The following ARHGAP15 variants were observed in gnomAD, a reference collection of about 807,000 sequenced individuals.
The protein encoded by ARHGAP15 is rho GTPase-activating protein 15.
Under a neutral mutation model 63.7 loss-of-function variants are expected in ARHGAP15, and 51 were observed. The ratio of observed to expected loss-of-function variants is 0.80; its 90% CI spans 0.64 to 1.01. The LOEUF (loss-of-function observed/expected upper bound fraction) is 1.01, where lower values mean the gene tolerates loss of function less well. Ranked by LOEUF, ARHGAP15 falls within the 50% of genes least tolerant of loss-of-function variation. The pLI is 0.00. For missense variants in ARHGAP15, 560 were observed against 564.6 expected, an observed-to-expected ratio of 0.99 and a Z score of 0.08; for synonymous variants, 191 against 193.8, an observed-to-expected ratio of 0.99 and a Z score of 0.12.
chr2:143,525,185 C>G (rs558228544), intron 10 of ARHGAP15, among the ~76,000 whole-genome samples: 30 of 152,186 alleles, frequency 2.0e-4, no homozygotes, highest in African/African-American at 6.0e-4. Flanking sequence ...GCACTAAAGG[C>G]TGATACTTCC....
intron 6 of ARHGAP15, among the ~76,000 whole-genome samples, chr2:143,311,564 C>T (rs1683449844): frequency 6.6e-6 from 1 of 151,988 alleles, no homozygotes; most frequent in African/African-American, 2.4e-5. Context: ...GGTGTGCATG[C>T]CTTAGCTCCG....
chr2:143,568,450 A>G (rs1457798186), intron 11 of ARHGAP15, among the ~76,000 whole-genome samples: 1 of 152,248 alleles, frequency 6.6e-6, no homozygotes, highest in Non-Finnish European at 1.5e-5. Context: ...AATGCAAATA[A>G]AAACCACAAT....
intron 8 of ARHGAP15, among the ~76,000 whole-genome samples, chr2:143,457,096 T>A (rs990960025): frequency 5.9e-5 from 9 of 152,120 alleles, no homozygotes; most frequent in African/African-American, 2.2e-4. Context: ...GCTATTTTCT[T>A]GTTCTATTTA....
At chr2:143,621,469 C>A (rs1273257258) in intron 11 of ARHGAP15, among the ~76,000 whole-genome samples, 1 of 152,076 alleles carries the variant, frequency 6.6e-6, no homozygotes, top group African/African-American at 2.4e-5. Flanking sequence ...AGTGGCCTTG[C>A]AAAATTTGCC....
chr2:143,573,155 T>C (rs570792715), intron 11 of ARHGAP15, among the ~76,000 whole-genome samples: 1 of 152,324 alleles, frequency 6.6e-6, no homozygotes, highest in South Asian at 2.1e-4. Context: ...CTAATTTTAA[T>C]GCTTACTCCA....
intron 6 of ARHGAP15, among the ~76,000 whole-genome samples, chr2:143,432,374 C>A: frequency 6.6e-6 from 1 of 152,042 alleles, no homozygotes; most frequent in Non-Finnish European, 1.5e-5. Context: ...AAGAACAATA[C>A]TTAAATCAAC....
intron 11 of ARHGAP15, among the ~76,000 whole-genome samples, chr2:143,577,500 A>C (rs1696721159): frequency 1.3e-5 from 2 of 152,066 alleles, no homozygotes. Context: ...AAGCATAACT[A>C]AATTCTGAAG....
At chr2:143,240,289 A>G (rs888359558) in intron 5 of ARHGAP15, among the ~76,000 whole-genome samples, 18 of 152,194 alleles carry the variant, frequency 1.2e-4, no homozygotes, top group Non-Finnish European at 1.5e-5. Flanking sequence ...ATAATGCAAT[A>G]TATCTAATGC....
At chr2:143,161,263 A>G (rs771723210) in intron 2 of ARHGAP15, among the ~76,000 whole-genome samples, 2 of 151,906 alleles carry the variant, frequency 1.3e-5, no homozygotes, top group Non-Finnish European at 2.9e-5. Context: ...CAGAGGGGAG[A>G]AAAACAGGCT....
intron 12 of ARHGAP15, among the ~76,000 whole-genome samples, chr2:143,624,583 T>C (rs968909676): frequency 3.9e-5 from 6 of 152,148 alleles, no homozygotes; most frequent in Non-Finnish European, 5.9e-5. Flanking sequence ...TGTGCACCCC[T>C]CATCTCTGCC....
chr2:143,171,204 G>T (rs555160556), intron 2 of ARHGAP15, among the ~76,000 whole-genome samples: 264 of 152,250 alleles, frequency 1.7e-3, no homozygotes, highest in African/African-American at 5.6e-3. Context: ...TATCACTATT[G>T]TATTCATTGA....
intron 6 of ARHGAP15, among the ~76,000 whole-genome samples, chr2:143,401,241 A>G (rs1422383254): frequency 6.6e-6 from 1 of 152,038 alleles, no homozygotes; most frequent in Non-Finnish European, 1.5e-5. Flanking sequence ...GTAGAAATAA[A>G]TATTTATAAA....
chr2:143,522,366 C>T (rs1348967897), intron 10 of ARHGAP15, among the ~76,000 whole-genome samples: 3 of 152,140 alleles, frequency 2.0e-5, no homozygotes, highest in East Asian at 1.9e-4. Flanking sequence ...AAAGCTCTTC[C>T]AAGTGGTTCC....
At chr2:143,238,135 A>C (rs1693725247) in intron 5 of ARHGAP15, 1 of 152,134 alleles carries the variant, frequency 6.6e-6, no homozygotes, top group South Asian at 2.1e-4. Flanking sequence ...ATAGGCACAG[A>C]CAAAGATTTT....
In ARHGAP15 at chr2:143,424,190, G is replaced by A. The variant is rs762015393; in HGVS notation, c.475-11411G>A. Among the ~76,000 whole-genome samples the A allele has an allele frequency of 7.9e-5, 12 of 152,036 alleles. No homozygotes were observed. In the East Asian group the frequency reaches 2.1e-3, roughly 27 times the overall value. ...GATTCTTTTAGGTCCTAGTGAATGT[G>A]AGAATCAGACTTACAAAGATCTCCA... On this transcript the variant is annotated intron_variant, in intron 6 of 13. Transcript: ENST00000295095.
At chr2:143,144,450 C>T (rs1403371268) in intron 1 of ARHGAP15, among the ~76,000 whole-genome samples, 2 of 151,984 alleles carry the variant, frequency 1.3e-5, no homozygotes, top group Non-Finnish European at 2.9e-5. Flanking sequence ...TTACCAAGTT[C>T]ATGATATAAA....
chr2:143,480,641 T>G (rs1421785207), intron 8 of ARHGAP15: 6 of 152,170 alleles, frequency 3.9e-5, no homozygotes. Context: ...GGCTGCAAGT[T>G]GGGGTTTGAA....
chr2:143,180,655 A>G (rs538075456), intron 2 of ARHGAP15, among the ~76,000 whole-genome samples: 1 of 152,204 alleles, frequency 6.6e-6, no homozygotes, highest in South Asian at 2.1e-4. Flanking sequence ...CTATAGTCTT[A>G]TTAAATATAT....
At chr2:143,757,584 T>C (rs1574933588) in intron 13 of ARHGAP15, among the ~76,000 whole-genome samples, 3 of 152,036 alleles carry the variant, frequency 2.0e-5, no homozygotes, top group African/African-American at 7.2e-5. Flanking sequence ...TATACCAGGG[T>C]GTGTGGCTGA....
Sources: allele counts gnomAD v4.1 joint callset (sites outside exome capture counted in the v4.1 genomes callset), GRCh38; gene constraint gnomAD v4.1.1; transcripts MANE v1.5; gene names NCBI Gene and HGNC (gene_info 2026-07-23, HGNC 2026-07-21).